Variants in STXBP4 observed in about 807,000 individuals in gnomAD.
The protein encoded by STXBP4 is syntaxin binding protein 4, also known as syntaxin-binding protein 4.
A neutral mutation model predicts 76.1 loss-of-function variants in STXBP4; 55 were observed. The observed-to-expected ratio is 0.72, with a 90% CI of 0.58 to 0.91. The LOEUF (loss-of-function observed/expected upper bound fraction) is 0.91, where lower values mean the gene tolerates loss of function less well. Ranked by LOEUF, STXBP4 falls within the 40% of genes least tolerant of loss-of-function variation. The probability of loss-of-function intolerance (pLI) is 0.00; values close to 1 mark genes in which losing one functional copy is unlikely to be tolerated. For synonymous variants in STXBP4, 201 were observed against 220.2 expected (o/e 0.91, Z 0.77); for missense variants, 618 against 636.9 (o/e 0.97, Z 0.32).
At chr17:54,997,543 ATATATAATATAAATATATATAT>A (rs1328044546) in intron 4 of STXBP4, among the ~76,000 whole-genome samples, 21 of 145,426 alleles carry the variant, frequency 1.4e-4, no homozygotes, top group East Asian at 1.4e-3. Context: ...TAACATAAAT[ATATATAATATAAATATATATAT>A]TATATAATAT....
chr17:55,143,490 C>T (rs1040304574), intron 17 of STXBP4, among the ~76,000 whole-genome samples: 12 of 152,256 alleles, frequency 7.9e-5, no homozygotes, highest in Non-Finnish European at 1.6e-4. Context: ...TTACCCAAAA[C>T]AGAGAAAGCA....
the STXBP4 span, among the ~76,000 whole-genome samples, chr17:55,190,430 A>G: frequency 6.6e-6 from 1 of 152,168 alleles, no homozygotes; most frequent in Admixed American, 6.5e-5. Context: ...TAGGGATACA[A>G]TGGTCAATTT....
rs35478073 is a variant in STXBP4 at position 55,118,942 on chromosome 17, TTA to T, written c.1490-22351_1490-22350del. ...AAAAGTGGAAGCTGTATTAACTGAT[TTA>T]TATATATATATATATAAATATTTTA... On this transcript the variant is annotated intron_variant, in intron 16 of 17. Coordinates refer to ENST00000376352, the MANE Select transcript of STXBP4 (RefSeq NM_178509.6). Among the ~76,000 whole-genome samples, 645 of 147,228 alleles carry T rather than the reference TTA, an allele frequency of 4.4e-3. 5 individuals are homozygous for T. The highest frequency in any genetic ancestry group is 0.035 in the South Asian group (162 of 4,678).
intron 17 of STXBP4, among the ~76,000 whole-genome samples, chr17:55,158,899 T>G (rs933371790): frequency 2.0e-5 from 3 of 152,230 alleles, no homozygotes; most frequent in African/African-American, 7.2e-5. Flanking sequence ...ATATTTGGTT[T>G]TTTAGAATTA....
Position 55,031,154 on chromosome 17 carries a change from C to A in STXBP4, c.667-14C>A. The A allele has an allele frequency of 6.2e-7, 1 of 1,605,596 alleles. No homozygotes were observed. ...ATTTGAAAAATTGCTTTTCATGAGT[C>A]CTTTATCTTCCAGGCTCTAAATTAT... is the stretch of plus-strand genomic sequence containing the variant. On this transcript the variant is annotated splice_polypyrimidine_tract_variant and intron_variant, in intron 8 of 17. Coordinates refer to ENST00000376352, the MANE Select transcript of STXBP4 (RefSeq NM_178509.6).
At chr17:55,085,011 A>G (rs899228038) in intron 16 of STXBP4, among the ~76,000 whole-genome samples, 2 of 152,226 alleles carry the variant, frequency 1.3e-5, no homozygotes, top group Non-Finnish European at 2.9e-5. Flanking sequence ...CATACACACC[A>G]TGGAATACTA....
chr17:55,060,134 C>T (rs899634621), intron 12 of STXBP4, among the ~76,000 whole-genome samples: 9 of 151,924 alleles, frequency 5.9e-5, no homozygotes, highest in African/African-American at 1.7e-4. Context: ...TCATTAACAC[C>T]GTAAAAAAAC....
chr17:54,970,697 A>G (rs1266464184), intron 1 of STXBP4, among the ~76,000 whole-genome samples: 4 of 152,204 alleles, frequency 2.6e-5, no homozygotes, highest in Non-Finnish European at 5.9e-5. Flanking sequence ...CCAACAGTAC[A>G]TTTCCACTCA....
the STXBP4 span, among the ~76,000 whole-genome samples, chr17:55,201,394 G>C: frequency 2.0e-5 from 3 of 151,764 alleles, no homozygotes; most frequent in African/African-American, 7.3e-5. Flanking sequence ...AGGAAGGAGA[G>C]GAGAGGAAAG....
chr17:55,103,386 G>A lies in STXBP4; in HGVS notation c.1489+22203G>A, dbSNP rs181523069. Among the ~76,000 whole-genome samples the A allele has an allele frequency of 1.6e-4, 24 of 152,220 alleles. No homozygotes were observed. In the East Asian group the frequency reaches 4.6e-3, roughly 29 times the overall value. The stretch of plus-strand genomic sequence containing the variant: ...TTCCCAACACCGTTTATTAAATAGG[G>A]AATCCTTTCTCCATTGCTTGTTTTT... On this transcript the variant is annotated intron_variant, in intron 16 of 17. Coordinates refer to ENST00000376352, the MANE Select transcript of STXBP4 (RefSeq NM_178509.6).
At chr17:54,974,346 A>C (rs1271163370) in intron 1 of STXBP4, among the ~76,000 whole-genome samples, 1 of 152,252 alleles carries the variant, frequency 6.6e-6, no homozygotes. Context: ...TTTTCCAATT[A>C]GTGCACAATA....
At chr17:55,042,034 G>T (rs185522694) in intron 10 of STXBP4, among the ~76,000 whole-genome samples, 17 of 152,174 alleles carry the variant, frequency 1.1e-4, no homozygotes, top group Non-Finnish European at 2.1e-4. Flanking sequence ...GTAAATTATG[G>T]GCAATGTCCA....
chr17:55,071,277 C>A (rs993426197), intron 12 of STXBP4, among the ~76,000 whole-genome samples: 1 of 152,176 alleles, frequency 6.6e-6, no homozygotes, highest in African/African-American at 2.4e-5. Context: ...CCTACAAATT[C>A]TCTTAGCCTC....
At chr17:55,058,452 A>G (rs1026061949) in intron 12 of STXBP4, among the ~76,000 whole-genome samples, 3 of 152,166 alleles carry the variant, frequency 2.0e-5, no homozygotes, top group African/African-American at 7.2e-5. Context: ...TATCATGATG[A>G]AAACTTGTTT....
intron 8 of STXBP4, among the ~76,000 whole-genome samples, chr17:55,010,510 GTA>G (rs1368841139): frequency 6.6e-6 from 1 of 152,040 alleles, no homozygotes; most frequent in Non-Finnish European, 1.5e-5. Flanking sequence ...TTTCTTCAAA[GTA>G]TGAATAGTAT....
At position 55,170,705 on chromosome 17, in the gene STXBP4, G is replaced by A. The variant is rs1419857898; in HGVS notation, c.*10794G>A. 1 of 152,092 alleles carries A rather than the reference G, an allele frequency of 6.6e-6. No individual in the cohort carries two copies. The highest frequency in any genetic ancestry group is 1.5e-5 in the Non-Finnish European group (1 of 68,020). The allele number at this position is 152,092 out of a possible 1,614,324, so 9.4% of individuals were successfully genotyped here. ...GAGATTATGTTATGGCCATGAATGA[G>A]GCCTGACCTGCATTGTCAATAACTA... On this transcript the variant is annotated 3_prime_UTR_variant, in exon 18 of 18. Coordinates refer to ENST00000376352, the MANE Select transcript of STXBP4 (RefSeq NM_178509.6).
intron 8 of STXBP4, among the ~76,000 whole-genome samples, chr17:55,027,269 A>G (rs1267962458): frequency 1.3e-5 from 2 of 152,002 alleles, no homozygotes; most frequent in East Asian, 3.9e-4. Flanking sequence ...TTGCCCCTCC[A>G]CCCACTCTGG....
intron 17 of STXBP4, among the ~76,000 whole-genome samples, chr17:55,151,709 A>T (rs758020097): frequency 6.6e-6 from 1 of 152,186 alleles, no homozygotes; most frequent in Non-Finnish European, 1.5e-5. Context: ...CAGGCCACTT[A>T]CCATCATATT....
chr17:55,013,791 C>T (rs1276843629), intron 8 of STXBP4, among the ~76,000 whole-genome samples: 1 of 152,322 alleles, frequency 6.6e-6, no homozygotes, highest in Non-Finnish European at 1.5e-5. Flanking sequence ...TAGATGGGGG[C>T]TATCCCTGAA....
Sources: gnomAD v4.1 joint callset for allele counts (sites outside exome capture counted in the v4.1 genomes callset) on GRCh38, gnomAD v4.1.1 for gene constraint, MANE v1.5 for transcripts, NCBI Gene and HGNC (gene_info 2026-07-23, HGNC 2026-07-21) for gene names.